The following PODN variants were observed in gnomAD, a reference collection of about 807,000 sequenced individuals.
PODN encodes podocan proteoglycan.
PODN carries 40 observed loss-of-function variants against 52.7 expected under a neutral mutation model. The ratio of observed to expected loss-of-function variants is 0.76; its 90% CI spans 0.59 to 0.99. The LOEUF (loss-of-function observed/expected upper bound fraction) is 0.99. Ranked by LOEUF, PODN falls within the 50% of genes least tolerant of loss-of-function variation. The pLI, the probability that PODN is intolerant of heterozygous loss-of-function variation, is 0.00. For missense variants in PODN, 720 were observed against 815.1 expected, an observed-to-expected ratio of 0.88 and a Z score of 1.42; for synonymous variants, 396 against 377.9, an observed-to-expected ratio of 1.05 and a Z score of -0.56.
At chr1:53,079,857 G>T (rs987042031) in intron 8 of PODN, among the ~76,000 whole-genome samples, 4 of 152,008 alleles carry the variant, frequency 2.6e-5, no homozygotes, top group Admixed American at 2.0e-4. Context: ...AAAAAATTTA[G>T]CCCCGTGCAG....
intron 5 of PODN, among the ~76,000 whole-genome samples, chr1:53,076,405 T>C (rs7524881): frequency 0.21 from 31,593 of 152,104 alleles, 3,441 homozygotes; most frequent in South Asian, 0.36. Flanking sequence ...GCGTCTGCCA[T>C]CTCAGTGACT....
chr1:53,079,919 A>G (rs946678618), intron 8 of PODN, among the ~76,000 whole-genome samples: 2 of 151,656 alleles, frequency 1.3e-5, no homozygotes, highest in Admixed American at 6.6e-5. Flanking sequence ...CTTGAGCCTA[A>G]GGAAGATAGA....
At chr1:53,077,448 G>A in intron 6 of PODN, 102 bp downstream of exon 6, 1 of 1,506,080 alleles carries the variant, frequency 6.6e-7, no homozygotes, top group Non-Finnish European at 8.9e-7. Context: ...GGCCACAGGT[G>A]CTGCCCAAGT....
rs7513730 is a variant in PODN at position 53,062,276 on chromosome 1, T to G, written c.-88T>G. 0.17 allele frequency: 212,164 copies of G among 1,266,218 alleles called. 31,079 individuals carry two copies. The highest frequency in any genetic ancestry group is 0.73 in the African/African-American group (48,049 of 65,684). 78.4% of individuals were successfully genotyped at this position (1,266,218 alleles called of 1,614,324 possible). A position where few individuals can be genotyped will look rare whatever the true frequency, so the allele number is the denominator to read the frequency against. On this transcript the variant is annotated 5_prime_UTR_variant, in exon 1 of 11. Coordinates refer to ENST00000312553, the MANE Select transcript of PODN (RefSeq NM_153703.5). Reference sequence around the variant, plus strand: ...TGAGACTGGGGGAGCGCGTTCGGCCTGTGGGGCGCCGCTCGGCGCCGGGGC... The same window carrying G: ...TGAGACTGGGGGAGCGCGTTCGGCCGGTGGGGCGCCGCTCGGCGCCGGGGC...
intron 1 of PODN, chr1:53,063,581 G>A (rs1038010655): frequency 3.5e-5 from 34 of 985,432 alleles, no homozygotes; most frequent in Non-Finnish European, 4.1e-5. Flanking sequence ...AGAAGAGCCC[G>A]TGGACTGCCC....
intron 10 of PODN, among the ~76,000 whole-genome samples, chr1:53,082,791 T>A (rs1158288951): frequency 1.3e-5 from 2 of 152,024 alleles, no homozygotes; most frequent in African/African-American, 4.8e-5. Context: ...ACCACACACA[T>A]GCACACAGAC....
chr1:53,077,869 T>C, intron 7 of PODN, 69 bp downstream of exon 7: 1 of 1,337,340 alleles, frequency 7.5e-7, no homozygotes, highest in Non-Finnish European at 1.1e-6. Flanking sequence ...GGGCCAACCA[T>C]CCAGCCCAGC....
intron 1 of PODN, among the ~76,000 whole-genome samples, chr1:53,068,185 T>C (rs530717542): frequency 2.0e-5 from 3 of 152,208 alleles, no homozygotes; most frequent in Admixed American, 6.5e-5. Flanking sequence ...GAGGTTTAGA[T>C]GATTGTAGTC....
chr1:53,074,768 C>A, intron 4 of PODN, 98 bp downstream of exon 4: 1 of 966,666 alleles, frequency 1.0e-6, no homozygotes. Context: ...TTCTGGACTC[C>A]CTGCTGGGTC....
chr1:53,069,927 C>CCA lies in PODN; in HGVS notation c.72_73insCA (p.Val25GlnfsTer2). ...AGCTGCACCTGGGACCTGTGCTTGC[C>CCA]GTGAGGGCCCCAGGATTTGGCCGAA... On this transcript the variant is annotated frameshift_variant, in exon 2 of 11. Transcript: ENST00000312553. LOFTEE classifies it high-confidence loss of function. 1 of 1,579,894 alleles carries CCA rather than the reference C, an allele frequency of 6.3e-7. No individual in the cohort carries two copies. Among genetic ancestry groups the CCA allele is most frequent in the Non-Finnish European group, 8.6e-7 (1 of 1,163,368 alleles).
At position 53,078,590 on chromosome 1, in the gene PODN, G is replaced by T. The variant is rs770841674; in HGVS notation, c.1080G>T (p.Arg360=). The change falls in exon 8 of 11, where the codon CGG becomes CGT. Residue 360 remains arginine, a synonymous_variant. Coordinates refer to ENST00000312553, the MANE Select transcript of PODN (RefSeq NM_153703.5). ...CACTGGCCTTCCAGGGCCTCAAGCGGTTGCACACGGTGCACCTGTACAACA... is the reference window on the plus strand; with the variant it reads ...CACTGGCCTTCCAGGGCCTCAAGCGTTTGCACACGGTGCACCTGTACAACA... The part of the protein sequence containing the change: ...IHPLAFQGLK[R]LHTVHLYNNA... The T allele has an allele frequency of 2.5e-6, 4 of 1,613,084 alleles. No homozygotes were observed. The highest frequency in any genetic ancestry group is 3.4e-6 in the Non-Finnish European group (4 of 1,180,020).
chr1:53,079,625 A>G (rs1222198319), intron 8 of PODN, among the ~76,000 whole-genome samples: 1 of 152,172 alleles, frequency 6.6e-6, no homozygotes, highest in Non-Finnish European at 1.5e-5. Flanking sequence ...CTGTGACCAC[A>G]TGGTCAGAAT....
rs1042275980 is a variant in PODN at position 53,083,735 on chromosome 1, C to T, written c.*28-778C>T. Among the ~76,000 whole-genome samples, 4 of 152,130 alleles carry T rather than the reference C, an allele frequency of 2.6e-5. No homozygotes were observed. The South Asian group carries it at 6.2e-4, about 24-fold the overall frequency. ...CGGAGGCTGGCTGCAGGCATGGGTCCTGGGGTCAGGTTGGGTAGGGAAGGA... is the reference window on the plus strand; with the variant it reads ...CGGAGGCTGGCTGCAGGCATGGGTCTTGGGGTCAGGTTGGGTAGGGAAGGA... On this transcript the variant is annotated intron_variant, in intron 10 of 10. Transcript: ENST00000312553.
At chr1:53,071,451 G>C in intron 2 of PODN, 84 bp from the exon 3 acceptor site, 3 of 1,161,952 alleles carry the variant, frequency 2.6e-6, no homozygotes, top group Non-Finnish European at 3.7e-6. Context: ...TGGATTCTAG[G>C]ACTGGAGCTA....
chr1:53,066,491 T>C (rs2150291950), intron 1 of PODN, among the ~76,000 whole-genome samples: 1 of 152,342 alleles, frequency 6.6e-6, no homozygotes, highest in South Asian at 2.1e-4. Flanking sequence ...CATCTCCATG[T>C]GGACCAGCCA....
intron 9 of PODN, 133 bp from the exon 10 acceptor site, chr1:53,081,848 C>G: frequency 7.3e-7 from 1 of 1,378,034 alleles, no homozygotes; most frequent in Non-Finnish European, 9.7e-7. Flanking sequence ...AGCCCCTGGC[C>G]TTTCCCGCCT....
chr1:53,077,393 G>A, intron 6 of PODN, 47 bp downstream of exon 6: 1 of 1,601,206 alleles, frequency 6.2e-7, no homozygotes, highest in Non-Finnish European at 8.5e-7. Context: ...CCCACAGCCA[G>A]GGCACTGGGG....
rs62000444 is a variant in PODN at position 53,078,599 on chromosome 1, G to T, written c.1089G>T (p.Thr363=). 6.2e-7 allele frequency: 1 copy of T among 1,613,038 alleles called. No homozygotes were observed. The highest frequency in any genetic ancestry group is 1.1e-5 in the South Asian group (1 of 91,086). The part of the protein sequence containing the change: ...LAFQGLKRLH[T]VHLYNNALER... ...TCCAGGGCCTCAAGCGGTTGCACAC[G>T]GTGCACCTGTACAACAACGCGCTGG... Residue 363 remains threonine (T), a synonymous_variant, in exon 8 of 11, where the codon ACG becomes ACT. Coordinates refer to ENST00000312553, the MANE Select transcript of PODN (RefSeq NM_153703.5).
rs1460248576 is a variant in PODN, at chr1:53,072,115, A to G, written c.406+487A>G. ...AAATAAAATAATATAAAATAAAATA[A>G]AAATAAAATAAAATAAATAAAAAAT... On this transcript the variant is annotated intron_variant, in intron 3 of 10. Transcript: ENST00000312553. Among the ~76,000 whole-genome samples, 11 of 149,916 alleles carry G rather than the reference A, an allele frequency of 7.3e-5. 1 individual carries two copies. The South Asian group carries it at 1.7e-3, about 23-fold the overall frequency.
Sources: gnomAD v4.1 joint callset for allele counts (sites outside exome capture counted in the v4.1 genomes callset) on GRCh38, gnomAD v4.1.1 for gene constraint, MANE v1.5 for transcripts, NCBI Gene and HGNC (gene_info 2026-07-23, HGNC 2026-07-21) for gene names.